Variants in ARID1B observed in about 807,000 individuals in gnomAD.
ARID1B encodes the protein AT-rich interactive domain-containing protein 1B.
A neutral mutation model predicts 212.3 loss-of-function variants in ARID1B; 30 were observed. The ratio of observed to expected loss-of-function variants is 0.14; its 90% CI spans 0.11 to 0.19. The LOEUF (loss-of-function observed/expected upper bound fraction) is 0.19, where lower values mean the gene tolerates loss of function less well. Among genes scored for constraint, ARID1B ranks in the 10% least tolerant of loss-of-function variants. ARID1B has a pLI of 1.00. For synonymous variants in ARID1B, 1,402 were observed against 1,301.7 expected (o/e 1.08, Z -1.66); for missense variants, 2,891 against 3,204.0 (o/e 0.90, Z 2.36).
At chr6:157,162,373 A>C (rs1479673796) in intron 8 of ARID1B, among the ~76,000 whole-genome samples, 1 of 152,256 alleles carries the variant, frequency 6.6e-6, no homozygotes, top group Non-Finnish European at 1.5e-5. Context: ...TAGTCGCTTG[A>C]AAACTGGTGT....
intron 2 of ARID1B, among the ~76,000 whole-genome samples, chr6:156,855,753 C>G (rs2128116837): frequency 1.3e-5 from 2 of 152,106 alleles, no homozygotes; most frequent in Middle Eastern, 6.8e-3. Context: ...ATGTGAGTAT[C>G]TTTTTAAATG....
chr6:157,183,722 G>A (rs1020265944), intron 12 of ARID1B, among the ~76,000 whole-genome samples: 3 of 152,198 alleles, frequency 2.0e-5, no homozygotes, highest in Non-Finnish European at 2.9e-5. Context: ...TGCTTTTTAA[G>A]TTGGGGGCCG....
intron 8 of ARID1B, among the ~76,000 whole-genome samples, chr6:157,162,799 C>T (rs1349174239): frequency 6.6e-6 from 1 of 152,152 alleles, no homozygotes; most frequent in African/African-American, 2.4e-5. Context: ...CAACACCACC[C>T]AACCAGGGTC....
At chr6:157,146,166 G>T (rs568480235) in intron 7 of ARID1B, among the ~76,000 whole-genome samples, 229 of 152,144 alleles carry the variant, frequency 1.5e-3, no homozygotes, top group African/African-American at 5.3e-3. Context: ...CAGCCTCTCA[G>T]CCATAAGTGC....
At chr6:156,850,415 G>A (rs372274975) in intron 2 of ARID1B, among the ~76,000 whole-genome samples, 1 of 152,014 alleles carries the variant, frequency 6.6e-6, no homozygotes, top group South Asian at 2.1e-4. Flanking sequence ...AAAATTAAGC[G>A]GCTTTTTTGA....
intron 4 of ARID1B, among the ~76,000 whole-genome samples, chr6:156,994,816 G>A (rs1308044628): frequency 6.6e-6 from 1 of 152,190 alleles, no homozygotes; most frequent in African/African-American, 2.4e-5. Context: ...CTGTGTCCCG[G>A]TGTGCCCTCA....
At chr6:156,846,151 T>TTTG (rs112667100) in intron 2 of ARID1B, among the ~76,000 whole-genome samples, 67 of 149,946 alleles carry the variant, frequency 4.5e-4, no homozygotes, top group African/African-American at 1.4e-3. Flanking sequence ...AGGCTATTTT[T>TTTG]TTTGTTTGTT....
intron 1 of ARID1B, among the ~76,000 whole-genome samples, chr6:156,790,902 G>A (rs1583047722): frequency 6.6e-6 from 1 of 152,192 alleles, no homozygotes; most frequent in Admixed American, 6.5e-5. Context: ...TACTGAAGAG[G>A]GAAATTGAAA....
At chr6:156,931,182 C>CT in intron 3 of ARID1B, among the ~76,000 whole-genome samples, 1 of 103,422 alleles carries the variant, frequency 9.7e-6, no homozygotes, top group Non-Finnish European at 1.7e-5. Flanking sequence ...CAGAGCGAGA[C>CT]TCAGTCTCAA....
intron 1 of ARID1B, among the ~76,000 whole-genome samples, chr6:156,806,885 C>T (rs1781199112): frequency 6.6e-6 from 1 of 152,176 alleles, no homozygotes; most frequent in African/African-American, 2.4e-5. Context: ...ATAGACAATC[C>T]GTAAATGAAC....
At chr6:156,829,694 G>A (rs1033994630) in intron 2 of ARID1B, 9 of 335,850 alleles carry the variant, frequency 2.7e-5, no homozygotes, top group Middle Eastern at 7.9e-4. Context: ...TTTGCAGCAG[G>A]TTATAACAGA....
At chr6:156,776,939 TG>T (rs1323839200), upstream of ARID1B, 1 of 152,234 alleles carries the variant, frequency 6.6e-6, no homozygotes, top group East Asian at 1.9e-4. Context: ...ACATAACTCC[TG>T]GGAGAGACCG....
intron 4 of ARID1B, among the ~76,000 whole-genome samples, chr6:157,048,080 G>A (rs1190872348): frequency 2.0e-5 from 3 of 152,156 alleles, no homozygotes; most frequent in Non-Finnish European, 4.4e-5. Flanking sequence ...TTCTTCAGAT[G>A]GTGAAAGCCC....
intron 4 of ARID1B, among the ~76,000 whole-genome samples, chr6:156,963,686 C>G (rs1338463239): frequency 3.9e-5 from 6 of 152,060 alleles, no homozygotes; most frequent in Non-Finnish European, 7.4e-5. Flanking sequence ...AAATCAAAAC[C>G]ATGGAAGAGT....
intron 3 of ARID1B, among the ~76,000 whole-genome samples, chr6:156,925,370 A>T (rs79076132): frequency 6.6e-6 from 1 of 152,096 alleles, no homozygotes. Flanking sequence ...TTTGTTGGGT[A>T]TGGTGCCACA....
chr6:157,188,493 A>C (rs139450275), intron 13 of ARID1B, among the ~76,000 whole-genome samples: 2 of 152,280 alleles, frequency 1.3e-5, no homozygotes, highest in East Asian at 3.9e-4. Flanking sequence ...TTTCACCTCC[A>C]TTGCCACTAG....
chr6:156,901,278 C>T (rs1788906871), intron 2 of ARID1B, 98 bp from the exon 3 acceptor site: 1 of 1,375,502 alleles, frequency 7.3e-7, no homozygotes. Flanking sequence ...AGTTGCTTAG[C>T]AGAGAACCCC....
At chr6:157,126,120 C>G (rs1366083388) in intron 6 of ARID1B, among the ~76,000 whole-genome samples, 1 of 152,082 alleles carries the variant, frequency 6.6e-6, no homozygotes. Context: ...TCAGATAGAA[C>G]CCCGCGCAGT....
chr6:156,810,426 C>T (rs1378102708), intron 1 of ARID1B, among the ~76,000 whole-genome samples: 1 of 152,158 alleles, frequency 6.6e-6, no homozygotes, highest in Non-Finnish European at 1.5e-5. Context: ...TGCCTCAGCT[C>T]CTGGAGCTGC....
Sources: gnomAD v4.1 joint callset for allele counts (sites outside exome capture counted in the v4.1 genomes callset) on GRCh38, gnomAD v4.1.1 for gene constraint, MANE v1.5 for transcripts, NCBI Gene and HGNC (gene_info 2026-07-23, HGNC 2026-07-21) for gene names.